Variants in SIPA1L3 observed in about 807,000 individuals in gnomAD.
SIPA1L3 encodes signal induced proliferation associated 1 like 3.
A neutral mutation model predicts 150.1 loss-of-function variants in SIPA1L3; 59 were observed. That is an observed-to-expected ratio of 0.39 (90% confidence interval 0.32 to 0.49). The LOEUF (loss-of-function observed/expected upper bound fraction) is 0.49, where lower values mean the gene tolerates loss of function less well. Among genes scored for constraint, SIPA1L3 ranks in the 20% least tolerant of loss-of-function variants. SIPA1L3 has a pLI of 0.86. For synonymous variants in SIPA1L3, 1,070 were observed against 1,077.6 expected (o/e 0.99, Z 0.14); for missense variants, 2,211 against 2,489.5 (o/e 0.89, Z 2.38).
chr19:37,927,657 GTGT>G (rs1568466818), intron 1 of SIPA1L3, among the ~76,000 whole-genome samples: 4 of 9,528 alleles, frequency 4.2e-4, no homozygotes, highest in Admixed American at 1.2e-3. Flanking sequence ...AACATGGGGT[GTGT>G]GTGTGTGTGT....
intron 1 of SIPA1L3, among the ~76,000 whole-genome samples, chr19:37,944,473 C>T (rs1174081246): frequency 1.3e-5 from 2 of 152,100 alleles, no homozygotes; most frequent in East Asian, 3.8e-4. Flanking sequence ...GAACTTGGGC[C>T]TTTACTTAAT....
intron 8 of SIPA1L3, among the ~76,000 whole-genome samples, chr19:38,111,697 A>T (rs1415627927): frequency 6.6e-6 from 1 of 152,188 alleles, no homozygotes; most frequent in Non-Finnish European, 1.5e-5. Flanking sequence ...GGCTACTGGG[A>T]GCCAGCACAC....
chr19:38,088,745 A>T lies in SIPA1L3; in HGVS notation c.1559A>T (p.Asp520Val). The change falls in exon 4 of 22, where the codon GAT (aspartate) becomes GTT (valine). Residue 520 changes from aspartate (D) to valine (V), a missense_variant. Asp to Val is a radical substitution (Grantham distance 152). Transcript: ENST00000222345. ...GKEHANYFGV[D>V]EKLGPVAVSI... ...GAACATGCCAATTACTTCGGCGTGG[A>T]TGAGAAGCTGGGGCCAGTGGCTGTG... 1 of 1,614,018 alleles carries T rather than the reference A, an allele frequency of 6.2e-7. No individual in the cohort carries two copies. Among genetic ancestry groups the T allele is most frequent in the Non-Finnish European group, 8.5e-7 (1 of 1,179,924 alleles).
rs2146085299 is a variant in SIPA1L3, at chr19:38,207,997, C to T, written c.*1757C>T. On this transcript the variant is annotated 3_prime_UTR_variant, in exon 22 of 22. Coordinates refer to ENST00000222345, the MANE Select transcript of SIPA1L3 (RefSeq NM_015073.3). ...CCCTTCTCTGGGGGGCCCACCCGTC[C>T]CCCACCCCCACCCCTTAGACCCTCA... 6.8e-6 allele frequency: 1 copy of T among 146,856 alleles called. No homozygotes were observed. The highest frequency in any genetic ancestry group is 1.5e-5 in the Non-Finnish European group (1 of 66,158). The allele number at this position is 146,856 out of a possible 1,614,324, so 9.1% of individuals were successfully genotyped here.
intron 1 of SIPA1L3, among the ~76,000 whole-genome samples, chr19:37,921,796 T>C (rs1167015101): frequency 6.6e-6 from 1 of 151,930 alleles, no homozygotes; most frequent in Admixed American, 6.6e-5. Context: ...GGAAACAGGT[T>C]CTTGCTATGT....
In SIPA1L3 at chr19:38,078,438, G is replaced by GCACACACA. The variant is rs66830496; in HGVS notation, c.-310-2793_-310-2786dup. 2.1e-3 allele frequency among the ~76,000 whole-genome samples: 287 copies of GCACACACA among 138,996 alleles called. 2 individuals are homozygous for GCACACACA. The highest frequency in any genetic ancestry group is 7.0e-3 in the African/African-American group (257 of 36,896). The allele number at this position is 138,996 out of a possible 152,430, so 91.2% of individuals were successfully genotyped here. A position where few individuals can be genotyped will look rare whatever the true frequency, so the allele number is the denominator to read the frequency against. ...AGCCCCCCTACACATGCGCATACAT[G>GCACACACA]CACACACACACACACACACACACAC... On this transcript the variant is annotated intron_variant, in intron 2 of 21. Coordinates refer to ENST00000222345, the MANE Select transcript of SIPA1L3 (RefSeq NM_015073.3).
At chr19:38,154,156 G>A (rs1300446840) in intron 13 of SIPA1L3, among the ~76,000 whole-genome samples, 3 of 152,204 alleles carry the variant, frequency 2.0e-5, no homozygotes, top group Non-Finnish European at 4.4e-5. Context: ...TTTTGTGTAT[G>A]TGTGTCTGGT....
In SIPA1L3 at chr19:38,194,240, C is replaced by T. The variant is rs112402812; in HGVS notation, c.4840+460C>T. 1.5e-3 allele frequency among the ~76,000 whole-genome samples: 226 copies of T among 152,216 alleles called. 3 individuals carry two copies. Among genetic ancestry groups the T allele is most frequent in the African/African-American group, 5.2e-3 (218 of 41,526 alleles). On this transcript the variant is annotated intron_variant, in intron 18 of 21. Coordinates refer to ENST00000222345, the MANE Select transcript of SIPA1L3 (RefSeq NM_015073.3). ...GTATGACTTGTTCACTGCTTAATCA[C>T]CCAGAAAATATTTACTGAGCACTCC...
chr19:38,193,540 T>C lies in SIPA1L3; in HGVS notation c.4600T>C (p.Ser1534Pro), dbSNP rs750480235. 17 of 1,476,288 alleles carry C rather than the reference T, an allele frequency of 1.2e-5. No individual in the cohort carries two copies. In the African/African-American group the frequency reaches 2.3e-4, roughly 20 times the overall value. The allele number at this position is 1,476,288 out of a possible 1,614,324, so 91.4% of individuals were successfully genotyped here. Residue 1534 changes from serine to proline, a missense_variant, in exon 18 of 22, where the codon TCA (serine) becomes CCA (proline). Around this residue, in one of 5 missense-constraint regions of SIPA1L3, gnomAD observed 806 missense variants for 870.1 expected, o/e 0.93. Coordinates refer to ENST00000222345, the MANE Select transcript of SIPA1L3 (RefSeq NM_015073.3). The part of the protein sequence containing the change: ...GPEQERDTGQ[S>P]PQKGLQRTLS... ...ACATCCCACCCACGCCCCACAGCAG[T>C]CACCGCAGAAGGGCCTGCAGCGGAC...
chr19:38,198,077 AG>A (rs1466901105), intron 18 of SIPA1L3, among the ~76,000 whole-genome samples: 4 of 152,052 alleles, frequency 2.6e-5, no homozygotes, highest in Admixed American at 2.0e-4. Context: ...TAAACCTTCC[AG>A]GCACACTCCT....
At position 38,130,417 on chromosome 19, in the gene SIPA1L3, A is replaced by C. The variant is rs183850738; in HGVS notation, c.2869-81A>C. 10 of 1,477,478 alleles carry C rather than the reference A, an allele frequency of 6.8e-6. No individual in the cohort carries two copies. The African/African-American group carries it at 1.3e-4, about 18-fold the overall frequency. The allele number at this position is 1,477,478 out of a possible 1,614,324, so 91.5% of individuals were successfully genotyped here. A position where few individuals can be genotyped will look rare whatever the true frequency, so the allele number is the denominator to read the frequency against. On this transcript the variant is annotated intron_variant, in intron 9 of 21. Coordinates refer to ENST00000222345, the MANE Select transcript of SIPA1L3 (RefSeq NM_015073.3). ...GGGAGTTGGCAGGTTTTTGGCTTCA[A>C]AGCGGGGAACGTGACCAGGGGTCTT...
chr19:38,119,381 C>A lies in SIPA1L3; in HGVS notation c.2367C>A (p.Ser789=). The change falls in exon 9 of 22, where the codon TCC becomes TCA. Residue 789 remains serine, a synonymous_variant. Transcript: ENST00000222345. Reference sequence around the variant, plus strand: ...CCAGTGGAACCACATTCCGCAAATCCGACGTCTTCAGAGACTTCTTGCTGG... The same window carrying A: ...CCAGTGGAACCACATTCCGCAAATCAGACGTCTTCAGAGACTTCTTGCTGG... ...PIPSGTTFRK[S]DVFRDFLLAK... 6.2e-7 allele frequency: 1 copy of A among 1,614,184 alleles called. No homozygotes were observed. Among genetic ancestry groups the A allele is most frequent in the Non-Finnish European group, 8.5e-7 (1 of 1,180,034 alleles).
chr19:38,181,292 C>A (rs1972549513), intron 15 of SIPA1L3, among the ~76,000 whole-genome samples: 2 of 152,188 alleles, frequency 1.3e-5, no homozygotes, highest in Non-Finnish European at 2.9e-5. Context: ...AAAGTACCAT[C>A]CTGTGATACT....
At chr19:38,021,708 A>G (rs1461096417) in intron 1 of SIPA1L3, among the ~76,000 whole-genome samples, 2 of 151,868 alleles carry the variant, frequency 1.3e-5, no homozygotes, top group Non-Finnish European at 2.9e-5. Context: ...TGCCTGAGTA[A>G]TTTTTCTATT....
chr19:37,992,763 G>A (rs1283433505), intron 1 of SIPA1L3, among the ~76,000 whole-genome samples: 1 of 152,158 alleles, frequency 6.6e-6, no homozygotes, highest in Non-Finnish European at 1.5e-5. Flanking sequence ...TGGTTTTTGT[G>A]GGCCTGTTTT....
At chr19:38,028,342 G>A (rs1023289508) in intron 1 of SIPA1L3, among the ~76,000 whole-genome samples, 5 of 151,962 alleles carry the variant, frequency 3.3e-5, no homozygotes, top group Non-Finnish European at 7.4e-5. Flanking sequence ...CACTCACCCC[G>A]TGCCAGCTCC....
At chr19:37,949,341 G>A (rs1270741005) in intron 1 of SIPA1L3, among the ~76,000 whole-genome samples, 3 of 152,088 alleles carry the variant, frequency 2.0e-5, no homozygotes, top group African/African-American at 4.8e-5. Context: ...CATCCCACCC[G>A]TGCCTGTGTA....
intron 2 of SIPA1L3, among the ~76,000 whole-genome samples, chr19:38,070,184 C>A (rs1314902142): frequency 7.0e-6 from 1 of 142,616 alleles, no homozygotes; most frequent in African/African-American, 2.6e-5. Context: ...CTATAGTGAT[C>A]TTCAGTCCTA....
intron 4 of SIPA1L3, among the ~76,000 whole-genome samples, chr19:38,097,194 T>C (rs1221901948): frequency 2.0e-5 from 3 of 151,732 alleles, no homozygotes; most frequent in Non-Finnish European, 4.4e-5. Context: ...ACAAAAAATA[T>C]ACAAAATTAG....
Sources: allele counts gnomAD v4.1 joint callset (sites outside exome capture counted in the v4.1 genomes callset), GRCh38; gene constraint gnomAD v4.1.1; regional missense constraint gnomAD v4.1.1; transcripts MANE v1.5; gene names NCBI Gene and HGNC (gene_info 2026-07-23, HGNC 2026-07-21).